ANKRD11: variants seen among roughly 807,000 people sequenced by gnomAD.
ANKRD11 encodes the protein ankyrin repeat domain 11.
ANKRD11 carries 17 observed loss-of-function variants against 195.7 expected under a neutral mutation model. The ratio of observed to expected loss-of-function variants is 0.09; its 90% CI spans 0.06 to 0.13. The LOEUF (loss-of-function observed/expected upper bound fraction) is 0.13, where lower values mean the gene tolerates loss of function less well. ANKRD11 is among the 10% of genes least tolerant of loss of function. The probability of loss-of-function intolerance (pLI) is 1.00; values close to 1 mark genes in which losing one functional copy is unlikely to be tolerated. For missense variants in ANKRD11, 3,735 were observed against 3,566.1 expected (o/e 1.05, Z -1.21); for synonymous variants, 1,953 against 1,528.1 (o/e 1.28, Z -6.49).
intron 2 of ANKRD11, among the ~76,000 whole-genome samples, chr16:89,349,311 T>C (rs771057975): frequency 6.6e-6 from 1 of 151,780 alleles, no homozygotes; most frequent in African/African-American, 2.4e-5. Context: ...AAACCCCATC[T>C]CTACTCAAAA....
intron 1 of ANKRD11, among the ~76,000 whole-genome samples, chr16:89,448,163 T>C (rs760183562): frequency 2.0e-5 from 3 of 151,836 alleles, no homozygotes; most frequent in African/African-American, 4.8e-5. Flanking sequence ...ACTGGGCACC[T>C]TGCAGACAGT....
At chr16:89,362,193 C>G (rs1055811117) in intron 2 of ANKRD11, among the ~76,000 whole-genome samples, 1 of 152,236 alleles carries the variant, frequency 6.6e-6, no homozygotes, top group African/African-American at 2.4e-5. Flanking sequence ...GAAATACCAA[C>G]TGCCTTCTTC....
intron 1 of ANKRD11, among the ~76,000 whole-genome samples, chr16:89,449,611 TG>T (rs1365318357): frequency 6.6e-6 from 1 of 151,850 alleles, no homozygotes; most frequent in Admixed American, 6.6e-5. Context: ...CTGACCAACA[TG>T]GAGAAACCCC....
At chr16:89,475,892 A>G (rs886468481) in intron 1 of ANKRD11, among the ~76,000 whole-genome samples, 2 of 152,008 alleles carry the variant, frequency 1.3e-5, no homozygotes, top group Non-Finnish European at 1.5e-5. Flanking sequence ...TCTACTAAAA[A>G]AATTTAAAAA....
At position 89,281,569 on chromosome 16, in the gene ANKRD11, G is replaced by C. The variant is rs777649520; in HGVS notation, c.4973C>G (p.Thr1658Ser). 14 of 1,614,100 alleles carry C rather than the reference G, an allele frequency of 8.7e-6. No homozygotes were observed. In the African/African-American group the frequency reaches 1.2e-4, roughly 14 times the overall value. The change falls in exon 9 of 13, where the codon ACT (threonine) becomes AGT (serine). Residue 1658 changes from threonine (T) to serine (S), a missense_variant. Coordinates refer to ENST00000301030, the MANE Select transcript of ANKRD11 (RefSeq NM_013275.6). The surrounding 1 kb of genome is among the most constrained non-coding windows in gnomAD (Gnocchi z 5.5). ...ATTTTCCGCGGCAGGTGGAATAGGA[G>C]TCGACTCTTTGAGCTTTTTGTCTTT... ...PFKDKKLKES[T>S]PIPPAAENKL...
At chr16:89,368,378 T>G (rs989845754) in intron 2 of ANKRD11, among the ~76,000 whole-genome samples, 13 of 128,366 alleles carry the variant, frequency 1.0e-4, no homozygotes, top group Admixed American at 4.6e-4. Context: ...TGTGTTTTTT[T>G]TTTTTTTTTT....
intron 2 of ANKRD11, among the ~76,000 whole-genome samples, chr16:89,366,750 G>T (rs2039966582): frequency 1.3e-5 from 2 of 152,190 alleles, no homozygotes; most frequent in Non-Finnish European, 2.9e-5. Flanking sequence ...CAGCTCTCTT[G>T]AATGTGTGCT....
At chr16:89,328,336 C>A (rs1052543941) in intron 2 of ANKRD11, among the ~76,000 whole-genome samples, 3 of 152,176 alleles carry the variant, frequency 2.0e-5, no homozygotes, top group Non-Finnish European at 2.9e-5. Context: ...AACAACTGCA[C>A]CCCAGGACAT....
At chr16:89,298,088 A>C (rs1024615564) in intron 4 of ANKRD11, 1 of 152,242 alleles carries the variant, frequency 6.6e-6, no homozygotes, top group African/African-American at 2.4e-5. Flanking sequence ...CTGTGGAGGC[A>C]AACAGGGTTA....
intron 2 of ANKRD11, among the ~76,000 whole-genome samples, chr16:89,363,882 C>G (rs2039838033): frequency 6.6e-6 from 1 of 151,890 alleles, no homozygotes; most frequent in African/African-American, 2.4e-5. Context: ...GTGGCAAAAC[C>G]CTGTCTCTAC....
intron 1 of ANKRD11, among the ~76,000 whole-genome samples, chr16:89,425,627 G>A (rs530073964): frequency 2.0e-5 from 3 of 152,266 alleles, no homozygotes; most frequent in East Asian, 1.9e-4. Flanking sequence ...GGTTGGGGGC[G>A]GACAAGGTGG....
chr16:89,291,165 C>G lies in ANKRD11; in HGVS notation c.245G>C (p.Arg82Pro). The change falls in exon 5 of 13, where the codon CGG becomes CCG. Residue 82 changes from arginine to proline, a missense_variant. Transcript: ENST00000301030. This position sits in a 1 kb window ranked among gnomAD's most constrained non-coding sequence, Gnocchi z 5.3. ...DSDTEKQGPE[R>P]KRIKKEPVTR... Reference sequence around the variant, plus strand: ...GACAGGCTCCTTCTTAATCCTCTTCCGCTCAGGGCCCTGCTTCTCTGTGAG... The same window carrying G: ...GACAGGCTCCTTCTTAATCCTCTTCGGCTCAGGGCCCTGCTTCTCTGTGAG... 1 of 1,613,770 alleles carries G rather than the reference C, an allele frequency of 6.2e-7. No homozygotes were observed.
chr16:89,275,305 C>T, intron 9 of ANKRD11, 114 bp from the exon 10 acceptor site: 2 of 831,824 alleles, frequency 2.4e-6, no homozygotes, highest in Non-Finnish European at 3.8e-6. Context: ...AGGAGCCTGC[C>T]CTGGAGGCCT....
At position 89,330,573 on chromosome 16, in the gene ANKRD11, G is replaced by A. The variant is rs544037587; in HGVS notation, c.-59-13495C>T. Among the ~76,000 whole-genome samples the A allele has an allele frequency of 9.2e-4, 138 of 149,666 alleles. 1 individual carries two copies. Among genetic ancestry groups the A allele is most frequent in the African/African-American group, 3.2e-3 (132 of 40,790 alleles). ...ATGGGGTGGTGTGGGGGGGAGCCAC[G>A]GCACCTCTGTGACCTAGTATCGGAA... On this transcript the variant is annotated intron_variant, in intron 2 of 12. Transcript: ENST00000301030.
At chr16:89,300,358 C>T in intron 4 of ANKRD11, 1 of 203,308 alleles carries the variant, frequency 4.9e-6, no homozygotes, top group Non-Finnish European at 1.0e-5. Context: ...CGTCAACACA[C>T]TGAGCTGAGG....
intron 1 of ANKRD11, among the ~76,000 whole-genome samples, chr16:89,436,232 C>G (rs567837812): frequency 6.6e-6 from 1 of 151,996 alleles, no homozygotes; most frequent in Non-Finnish European, 1.5e-5. Context: ...CTGGCCAACT[C>G]GGTGAAACCT....
Position 89,318,134 on chromosome 16 carries a change from T to C in ANKRD11, c.-59-1056A>G, listed in dbSNP as rs78063096. 7.2e-5 allele frequency among the ~76,000 whole-genome samples: 11 copies of C among 152,338 alleles called. No homozygotes were observed. The East Asian group carries it at 1.9e-3, about 27-fold the overall frequency. On this transcript the variant is annotated intron_variant, in intron 2 of 12. Coordinates refer to ENST00000301030, the MANE Select transcript of ANKRD11 (RefSeq NM_013275.6). ...CCCCCGTGGTGTGAGGCTGCCCCTC[T>C]GCGACACACGGTGCGAGCGCACTTC...
chr16:89,433,835 CA>C (rs1407723825), intron 1 of ANKRD11, among the ~76,000 whole-genome samples: 1 of 152,260 alleles, frequency 6.6e-6, no homozygotes, highest in African/African-American at 2.4e-5. Flanking sequence ...TCTCCAGCCC[CA>C]GAGCCCCACT....
chr16:89,299,143 G>A (rs1027855140), intron 4 of ANKRD11: 2 of 154,622 alleles, frequency 1.3e-5, no homozygotes, highest in African/African-American at 4.8e-5. Flanking sequence ...GTGGCAGAGA[G>A]TCAGGCTGTG....
Sources: gnomAD v4.1 joint callset for allele counts (sites outside exome capture counted in the v4.1 genomes callset) on GRCh38, gnomAD v4.1.1 for gene constraint, Gnocchi (gnomAD v3.1) non-coding constraint, MANE v1.5 for transcripts, NCBI Gene and HGNC (gene_info 2026-07-23, HGNC 2026-07-21) for gene names.